The following SNX29 variants were observed in gnomAD, a reference collection of about 807,000 sequenced individuals.
The protein encoded by SNX29 is sorting nexin-29.
A neutral mutation model predicts 102.1 loss-of-function variants in SNX29; 78 were observed. The ratio of observed to expected loss-of-function variants is 0.76; its 90% confidence interval spans 0.64 to 0.92. The LOEUF is 0.92. Among genes scored for constraint, SNX29 ranks in the 40% least tolerant of loss-of-function variants. The pLI, the probability that SNX29 is intolerant of heterozygous loss-of-function variation, is 0.00. For synonymous variants in SNX29, 580 were observed against 414.5 expected (o/e 1.40, Z -4.85); for missense variants, 1,280 against 1,061.7 (o/e 1.21, Z -2.86).
At chr16:12,529,359 T>C (rs2076871321) in intron 20 of SNX29, among the ~76,000 whole-genome samples, 1 of 152,146 alleles carries the variant, frequency 6.6e-6, no homozygotes. Flanking sequence ...CTAAGAGACG[T>C]GACACTTTGC....
At chr16:12,361,528 T>G (rs974571016) in intron 16 of SNX29, among the ~76,000 whole-genome samples, 3 of 152,206 alleles carry the variant, frequency 2.0e-5, no homozygotes, top group Non-Finnish European at 4.4e-5. Flanking sequence ...ATTCATTTAA[T>G]CCTCACGTGG....
At chr16:12,449,778 T>C (rs1029439632) in intron 18 of SNX29, among the ~76,000 whole-genome samples, 1 of 152,222 alleles carries the variant, frequency 6.6e-6, no homozygotes, top group African/African-American at 2.4e-5. Context: ...TCCAGTGAAC[T>C]TTCCTAAATC....
chr16:12,338,481 T>G (rs1303503556), intron 15 of SNX29, among the ~76,000 whole-genome samples: 2 of 152,304 alleles, frequency 1.3e-5, no homozygotes, highest in East Asian at 3.9e-4. Context: ...GCATCAGGCG[T>G]TGTGCACAGG....
intron 14 of SNX29, among the ~76,000 whole-genome samples, chr16:12,248,874 A>G (rs2078339992): frequency 1.3e-5 from 2 of 152,012 alleles, no homozygotes; most frequent in Admixed American, 6.6e-5. Flanking sequence ...TAAGCTCCTT[A>G]AGAGTAAGGA....
chr16:12,207,675 T>C (rs915947968), intron 14 of SNX29, among the ~76,000 whole-genome samples: 1 of 152,192 alleles, frequency 6.6e-6, no homozygotes, highest in East Asian at 1.9e-4. Flanking sequence ...GCTTCCCTTA[T>C]GCTTGCTCAG....
intron 11 of SNX29, among the ~76,000 whole-genome samples, chr16:12,106,444 G>A (rs1192963080): frequency 6.6e-6 from 1 of 151,924 alleles, no homozygotes; most frequent in Non-Finnish European, 1.5e-5. Context: ...GCGGAGATAA[G>A]GCCCCCTCCT....
intron 11 of SNX29, among the ~76,000 whole-genome samples, chr16:12,103,790 C>A (rs897692102): frequency 2.6e-5 from 4 of 152,270 alleles, no homozygotes; most frequent in African/African-American, 9.6e-5. Context: ...TGCAATCTAT[C>A]CATCTGACAA....
At chr16:12,005,992 A>T (rs1309763628) in intron 3 of SNX29, among the ~76,000 whole-genome samples, 1 of 152,126 alleles carries the variant, frequency 6.6e-6, no homozygotes, top group Non-Finnish European at 1.5e-5. Context: ...TAAAAAGTTA[A>T]TTCTTTCTGT....
At chr16:12,284,144 G>A (rs536855593) in intron 15 of SNX29, among the ~76,000 whole-genome samples, 1 of 152,364 alleles carries the variant, frequency 6.6e-6, no homozygotes, top group South Asian at 2.1e-4. Context: ...AATGTGAAGT[G>A]TTGGCGACAT....
At chr16:12,355,375 T>C (rs927129335) in intron 15 of SNX29, among the ~76,000 whole-genome samples, 1 of 152,176 alleles carries the variant, frequency 6.6e-6, no homozygotes, top group South Asian at 2.1e-4. Flanking sequence ...TTACTGCAAA[T>C]GGCCTGGTAT....
intron 16 of SNX29, among the ~76,000 whole-genome samples, chr16:12,385,586 C>G (rs1272707603): frequency 1.3e-5 from 2 of 152,194 alleles, no homozygotes; most frequent in Non-Finnish European, 2.9e-5. Flanking sequence ...TTTGCAGGAG[C>G]TAATGAGTGG....
chr16:12,138,589 A>G lies in SNX29; in HGVS notation c.1595+8831A>G, dbSNP rs575378820. Among the ~76,000 whole-genome samples the G allele has an allele frequency of 2.4e-4, 35 of 148,338 alleles. No individual in the cohort carries two copies. In the South Asian group the frequency reaches 2.6e-3, roughly 11 times the overall value. The stretch of plus-strand genomic sequence containing the variant: ...TTTGGAGGAATATCTTAAATTCATA[A>G]TGTAAAATAAAACAAAACTTTGCTC... On this transcript the variant is annotated intron_variant, in intron 13 of 20. Transcript: ENST00000566228.
intron 10 of SNX29, among the ~76,000 whole-genome samples, chr16:12,078,630 G>C (rs969455035): frequency 1.3e-5 from 2 of 152,190 alleles, no homozygotes; most frequent in East Asian, 3.8e-4. Context: ...TATTGACTTT[G>C]GGGTTACAAA....
intron 13 of SNX29, among the ~76,000 whole-genome samples, chr16:12,188,506 A>G (rs2076567670): frequency 6.6e-6 from 1 of 151,664 alleles, no homozygotes; most frequent in African/African-American, 2.4e-5. Context: ...TAAGTTTGGA[A>G]CCCTGTGATT....
At position 12,355,692 on chromosome 16, in the gene SNX29, G is replaced by C. The variant is rs113359737; in HGVS notation, c.1783-471G>C. Among the ~76,000 whole-genome samples the C allele has an allele frequency of 8.7e-3, 1,330 of 152,012 alleles. 9 individuals carry two copies. Among genetic ancestry groups the C allele is most frequent in the South Asian group, 0.013 (61 of 4,804 alleles). On this transcript the variant is annotated intron_variant, in intron 15 of 20. Transcript: ENST00000566228. Reference sequence around the variant, plus strand: ...TTATTGGGGATCAGCTGAGAATATCGAATAATTCAATTTGGAAAAATTCAG... The same window carrying C: ...TTATTGGGGATCAGCTGAGAATATCCAATAATTCAATTTGGAAAAATTCAG...
intron 18 of SNX29, among the ~76,000 whole-genome samples, chr16:12,469,661 G>A (rs1160935399): frequency 2.0e-5 from 3 of 152,130 alleles, no homozygotes; most frequent in Non-Finnish European, 4.4e-5. Flanking sequence ...CTCACTCCTC[G>A]GGCAATAGAG....
At chr16:12,568,001 C>G (rs917491901) in intron 20 of SNX29, among the ~76,000 whole-genome samples, 1 of 152,172 alleles carries the variant, frequency 6.6e-6, no homozygotes, top group Non-Finnish European at 1.5e-5. Context: ...CTCTTAAACA[C>G]AATACCATGC....
At chr16:12,538,863 G>GTAGATGGGGCCATTTGTACAC (rs2077196500) in intron 20 of SNX29, among the ~76,000 whole-genome samples, 2 of 152,010 alleles carry the variant, frequency 1.3e-5, no homozygotes, top group Non-Finnish European at 2.9e-5. Context: ...ACAGAGAACG[G>GTAGATGGGGCCATTTGTACAC]TAGATGGGGC....
In SNX29 at chr16:12,289,691, C is replaced by T. The variant is rs776308417; in HGVS notation, c.1782+11655C>T. Among the ~76,000 whole-genome samples, 125 of 152,138 alleles carry T rather than the reference C, an allele frequency of 8.2e-4. 1 individual carries two copies. Among genetic ancestry groups the T allele is most frequent in the South Asian group, 2.3e-3 (11 of 4,824 alleles). On this transcript the variant is annotated intron_variant, in intron 15 of 20. Transcript: ENST00000566228. ...AAATGATCCAATACTCCTTTTTGGG[C>T]GATAGATAAAAATACTTGTAATTAT...
Sources: allele counts gnomAD v4.1 joint callset (sites outside exome capture counted in the v4.1 genomes callset), GRCh38; gene constraint gnomAD v4.1.1; transcripts MANE v1.5; gene names NCBI Gene and HGNC (gene_info 2026-07-23, HGNC 2026-07-21).